Variants in HMG20A observed in about 807,000 individuals in gnomAD.
HMG20A encodes the protein high mobility group 20A, also known as high mobility group protein 20A.
In HMG20A, 17 loss-of-function variants were observed where a neutral mutation model predicts 43.9. That is an observed-to-expected ratio of 0.39 (90% CI 0.27 to 0.58). The LOEUF (loss-of-function observed/expected upper bound fraction) is 0.58, where lower values mean the gene tolerates loss of function less well. HMG20A is among the 20% of genes least tolerant of loss of function. The pLI, the probability that HMG20A is intolerant of heterozygous loss-of-function variation, is 0.59. For synonymous variants in HMG20A, 132 were observed against 147.5 expected, an observed-to-expected ratio of 0.89 and a Z score of 0.76; for missense variants, 341 against 438.2, an observed-to-expected ratio of 0.78 and a Z score of 1.98.
chr15:77,479,949 T>A (rs1012017832), intron 9 of HMG20A, among the ~76,000 whole-genome samples: 11 of 152,202 alleles, frequency 7.2e-5, no homozygotes, highest in African/African-American at 2.7e-4. Flanking sequence ...TAAATGTTGA[T>A]GTGGACTCAC....
rs1567394419 is a variant in HMG20A at position 77,443,382 on chromosome 15, T to TGATG, written c.-4-15022_-4-15021insGATG. Among the ~76,000 whole-genome samples, 434 of 104,494 alleles carry TGATG rather than the reference T, an allele frequency of 4.2e-3. 1 individual carries two copies. Among genetic ancestry groups the TGATG allele is most frequent in the Middle Eastern group, 5.3e-3 (1 of 190 alleles). The allele number at this position is 104,494 out of a possible 152,430, so 68.6% of individuals were successfully genotyped here. ...TGATGATGATGATGATGATGATGAT[T>TGATG]ATTATTATTATTATTATTATTATTA... On this transcript the variant is annotated intron_variant, in intron 1 of 9. Coordinates refer to ENST00000336216, the MANE Select transcript of HMG20A (RefSeq NM_001304504.2).
intron 2 of HMG20A, among the ~76,000 whole-genome samples, chr15:77,462,876 G>A (rs35644941): frequency 0.011 from 1,624 of 150,234 alleles, 10 homozygotes; most frequent in Non-Finnish European, 0.017. Context: ...AGGTTCAAGC[G>A]GTTCTCCTGC....
the HMG20A span, among the ~76,000 whole-genome samples, chr15:77,496,802 T>C: frequency 2.6e-5 from 4 of 152,178 alleles, no homozygotes; most frequent in African/African-American, 9.7e-5. Context: ...TTCCCCACAT[T>C]CCACAAGTGC....
chr15:77,494,280 C>A, the HMG20A span, among the ~76,000 whole-genome samples: 1 of 152,146 alleles, frequency 6.6e-6, no homozygotes, highest in Non-Finnish European at 1.5e-5. Flanking sequence ...CAGATGTGCA[C>A]TACCATGCCT....
At chr15:77,437,608 G>A (rs528634774) in intron 1 of HMG20A, among the ~76,000 whole-genome samples, 2 of 152,212 alleles carry the variant, frequency 1.3e-5, no homozygotes, top group Admixed American at 6.5e-5. Flanking sequence ...TTTCACTCTT[G>A]TTGCCCAGGC....
rs1341536559 is a variant in HMG20A, at chr15:77,484,930, G to C, written c.*1967G>C. ...CTCCTCATATTTCTGTTTCTCATTT[G>C]TGTTCAGTTTTGTGCAGCATTGCTA... On this transcript the variant is annotated 3_prime_UTR_variant, in exon 10 of 10. Coordinates refer to ENST00000336216, the MANE Select transcript of HMG20A (RefSeq NM_001304504.2). The C allele has an allele frequency of 6.6e-6, 1 of 152,112 alleles. No individual in the cohort carries two copies. Among genetic ancestry groups the C allele is most frequent in the African/African-American group, 2.4e-5 (1 of 41,412 alleles). The allele number at this position is 152,112 out of a possible 1,614,324, so 9.4% of individuals were successfully genotyped here.
the HMG20A span, among the ~76,000 whole-genome samples, chr15:77,502,644 A>G: frequency 6.6e-6 from 1 of 152,146 alleles, no homozygotes; most frequent in African/African-American, 2.4e-5. Context: ...GCCCAGCACA[A>G]TGCTTAGCAA....
chr15:77,503,948 G>A, the HMG20A span, among the ~76,000 whole-genome samples: 51 of 152,152 alleles, frequency 3.4e-4, no homozygotes, highest in Non-Finnish European at 5.4e-4. Context: ...GCAGCACAGC[G>A]GGGACTTAAA....
chr15:77,461,310 G>T (rs763552932), intron 2 of HMG20A, among the ~76,000 whole-genome samples: 1 of 152,196 alleles, frequency 6.6e-6, no homozygotes, highest in Non-Finnish European at 1.5e-5. Flanking sequence ...TCCAGGGGTT[G>T]TGCTATAAAG....
At chr15:77,502,811 TA>T in the HMG20A span, among the ~76,000 whole-genome samples, 125 of 150,930 alleles carry the variant, frequency 8.3e-4, no homozygotes, top group Middle Eastern at 0.01. Flanking sequence ...CTACAAAAAA[TA>T]AAAAAAAATT....
chr15:77,494,243 C>T, the HMG20A span, among the ~76,000 whole-genome samples: 6 of 152,176 alleles, frequency 3.9e-5, no homozygotes, highest in African/African-American at 1.4e-4. Flanking sequence ...GATCTTCCCA[C>T]CTCAGTCTCC....
chr15:77,499,294 T>C, the HMG20A span, among the ~76,000 whole-genome samples: 1 of 152,216 alleles, frequency 6.6e-6, no homozygotes, highest in African/African-American at 2.4e-5. Context: ...CTGGAGTTCC[T>C]GATCTCTCTT....
At chr15:77,464,412 T>G (rs1323605697) in intron 3 of HMG20A, 25 bp downstream of exon 3, 2 of 1,609,766 alleles carry the variant, frequency 1.2e-6, no homozygotes, top group Non-Finnish European at 1.7e-6. Context: ...CTCCTTCTGT[T>G]CCTATCCTCT....
chr15:77,454,525 A>G (rs1378721194), intron 1 of HMG20A, among the ~76,000 whole-genome samples: 1 of 152,126 alleles, frequency 6.6e-6, no homozygotes, highest in Non-Finnish European at 1.5e-5. Context: ...GGCAGTTGGG[A>G]AATATCCTAA....
chr15:77,489,170 A>T (rs2072959893), downstream of HMG20A, among the ~76,000 whole-genome samples: 1 of 152,258 alleles, frequency 6.6e-6, no homozygotes, highest in African/African-American at 2.4e-5. Flanking sequence ...AAGTTGTTAT[A>T]ATTTGTGGAA....
Position 77,484,624 on chromosome 15 carries a change from A to G in HMG20A, c.*1661A>G, listed in dbSNP as rs1335316909. On this transcript the variant is annotated 3_prime_UTR_variant, in exon 10 of 10. Coordinates refer to ENST00000336216, the MANE Select transcript of HMG20A (RefSeq NM_001304504.2). ...TGTTTTTAAAATGTCTTATATGAAC[A>G]TATATCAAATATCCATGCGCTGAAA... is the stretch of plus-strand genomic sequence containing the variant. 1 of 152,254 alleles carries G rather than the reference A, an allele frequency of 6.6e-6. No homozygotes were observed. Among genetic ancestry groups the G allele is most frequent in the East Asian group, 1.9e-4 (1 of 5,202 alleles). 9.4% of individuals were successfully genotyped at this position (152,254 alleles called of 1,614,324 possible).
chr15:77,464,796 G>A, intron 3 of HMG20A: 1 of 156,524 alleles, frequency 6.4e-6, no homozygotes, highest in Non-Finnish European at 1.4e-5. Flanking sequence ...CCCATAGGGG[G>A]TAACTTTCCT....
At chr15:77,446,036 T>C (rs1215145117) in intron 1 of HMG20A, among the ~76,000 whole-genome samples, 1 of 152,230 alleles carries the variant, frequency 6.6e-6, no homozygotes, top group Non-Finnish European at 1.5e-5. Flanking sequence ...CCTTGAATTA[T>C]ATTGTTTTAG....
chr15:77,516,427 G>T, the HMG20A span, among the ~76,000 whole-genome samples: 1 of 152,140 alleles, frequency 6.6e-6, no homozygotes, highest in Non-Finnish European at 1.5e-5. Flanking sequence ...AATGAGCCAT[G>T]ATCAAGTTGC....
Sources: allele counts gnomAD v4.1 joint callset (sites outside exome capture counted in the v4.1 genomes callset), GRCh38; gene constraint gnomAD v4.1.1; transcripts MANE v1.5; gene names NCBI Gene and HGNC (gene_info 2026-07-23, HGNC 2026-07-21).